The following COX10 variants were observed in gnomAD, a reference collection of about 807,000 sequenced individuals.
COX10 encodes the protein protoheme IX farnesyltransferase, mitochondrial.
In COX10, 27 loss-of-function variants were observed where a neutral mutation model predicts 37.3. The ratio of observed to expected loss-of-function variants is 0.72; its 90% CI spans 0.53 to 1.00. The LOEUF is 1.00. Among genes scored for constraint, COX10 ranks in the 50% least tolerant of loss-of-function variants. COX10 has a pLI of 0.00. For synonymous variants in COX10, 222 were observed against 229.1 expected (o/e 0.97, Z 0.28); for missense variants, 475 against 563.2 (o/e 0.84, Z 1.59).
rs1253481481 is a variant in COX10 at position 14,192,795 on chromosome 17, T to C, written c.928+574T>C. Among the ~76,000 whole-genome samples, 14 of 152,294 alleles carry C rather than the reference T, an allele frequency of 9.2e-5. No individual in the cohort carries two copies. In the East Asian group the frequency reaches 2.7e-3, roughly 29 times the overall value. On this transcript the variant is annotated intron_variant, in intron 6 of 6. Coordinates refer to ENST00000261643, the MANE Select transcript of COX10 (RefSeq NM_001303.4). ...AAATTTGTGGGGTGAAAATAGCTCA[T>C]TTTTACCATGTGTAAGGGAAGTTTC... is the stretch of plus-strand genomic sequence containing the variant.
chr17:14,194,347 A>T (rs1185209209), intron 6 of COX10, among the ~76,000 whole-genome samples: 1 of 152,250 alleles, frequency 6.6e-6, no homozygotes, highest in African/African-American at 2.4e-5. Context: ...GTCCTCACTT[A>T]AGAGTGCACA....
chr17:14,112,386 G>C (rs1234419071), intron 4 of COX10, among the ~76,000 whole-genome samples: 1 of 152,158 alleles, frequency 6.6e-6, no homozygotes, highest in Non-Finnish European at 1.5e-5. Context: ...GGCTGGACCA[G>C]AAAGGAGAAT....
At chr17:14,113,951 A>G (rs989580299) in intron 4 of COX10, among the ~76,000 whole-genome samples, 5 of 152,130 alleles carry the variant, frequency 3.3e-5, no homozygotes, top group East Asian at 1.9e-4. Flanking sequence ...GACAATGTAT[A>G]TTGTATCTTT....
At chr17:14,134,324 A>G (rs1010783913) in intron 4 of COX10, among the ~76,000 whole-genome samples, 5 of 151,874 alleles carry the variant, frequency 3.3e-5, no homozygotes, top group African/African-American at 1.2e-4. Flanking sequence ...TGAAGAGATA[A>G]AAAATACAAA....
chr17:14,159,384 A>G (rs546684754), intron 4 of COX10, among the ~76,000 whole-genome samples: 23 of 152,218 alleles, frequency 1.5e-4, no homozygotes, highest in Non-Finnish European at 3.2e-4. Context: ...ACCTGAAACT[A>G]TACAGTTGAG....
At chr17:14,187,771 G>T (rs1459912851) in intron 5 of COX10, among the ~76,000 whole-genome samples, 1 of 152,226 alleles carries the variant, frequency 6.6e-6, no homozygotes, top group Non-Finnish European at 1.5e-5. Context: ...AGGGCTCCTC[G>T]TGCCAGAAGG....
At chr17:14,128,745 G>A (rs1916397504) in intron 4 of COX10, among the ~76,000 whole-genome samples, 1 of 152,204 alleles carries the variant, frequency 6.6e-6, no homozygotes, top group Admixed American at 6.5e-5. Context: ...TTGTACAGCT[G>A]GACTGAGTTA....
At chr17:14,202,577 C>T (rs373120414) in intron 6 of COX10, among the ~76,000 whole-genome samples, 1 of 152,196 alleles carries the variant, frequency 6.6e-6, no homozygotes, top group African/African-American at 2.4e-5. Context: ...TGTGTAACTG[C>T]CTGGCACGTA....
chr17:14,097,989 A>T (rs1915687883), intron 3 of COX10, among the ~76,000 whole-genome samples: 1 of 152,090 alleles, frequency 6.6e-6, no homozygotes, highest in Non-Finnish European at 1.5e-5. Flanking sequence ...GTCTGTACAT[A>T]CTCATTATAG....
At chr17:14,182,856 A>C (rs2142257129) in intron 5 of COX10, among the ~76,000 whole-genome samples, 1 of 150,700 alleles carries the variant, frequency 6.6e-6, no homozygotes, top group East Asian at 1.9e-4. Flanking sequence ...TACTTAACAG[A>C]AAAGCCACAT....
chr17:14,198,112 A>G (rs959537318), intron 6 of COX10, among the ~76,000 whole-genome samples: 3 of 152,202 alleles, frequency 2.0e-5, no homozygotes, highest in Non-Finnish European at 4.4e-5. Context: ...TTGTTGTCAC[A>G]GGAACTGCCG....
chr17:14,094,005 GCT>G (rs1915587175), intron 3 of COX10, among the ~76,000 whole-genome samples: 2 of 152,146 alleles, frequency 1.3e-5, no homozygotes, highest in Admixed American at 6.6e-5. Context: ...GCTGCTGTGA[GCT>G]CTGATTGTGC....
intron 4 of COX10, among the ~76,000 whole-genome samples, chr17:14,128,053 CT>C (rs200354926): frequency 6.0e-4 from 89 of 149,468 alleles, no homozygotes; most frequent in Middle Eastern, 3.5e-3. Flanking sequence ...TCTGATTTAT[CT>C]TTTTTTTTAA....
At chr17:14,156,030 A>G (rs1459864790) in intron 4 of COX10, among the ~76,000 whole-genome samples, 2 of 152,134 alleles carry the variant, frequency 1.3e-5, no homozygotes, top group African/African-American at 4.8e-5. Flanking sequence ...CTGGAGCTTC[A>G]TCACCAGCCA....
At chr17:14,090,842 A>G (rs962834965) in intron 3 of COX10, among the ~76,000 whole-genome samples, 1 of 152,190 alleles carries the variant, frequency 6.6e-6, no homozygotes, top group African/African-American at 2.4e-5. Flanking sequence ...CTGAATCTTT[A>G]TCAGAGTGAA....
intron 5 of COX10, chr17:14,177,055 A>G (rs930055794): frequency 2.5e-6 from 1 of 393,692 alleles, no homozygotes; most frequent in African/African-American, 2.1e-5. Flanking sequence ...CATTTGTTTC[A>G]TTTTCCCAAG....
chr17:14,177,104 G>C (rs910014776), intron 5 of COX10: 3 of 529,024 alleles, frequency 5.7e-6, no homozygotes, highest in Non-Finnish European at 1.0e-5. Context: ...TAGTTATGTT[G>C]ATTGCTTGTG....
chr17:14,076,107 T>C (rs1388714602), intron 2 of COX10, among the ~76,000 whole-genome samples: 1 of 120,694 alleles, frequency 8.3e-6, no homozygotes, highest in Non-Finnish European at 1.6e-5. Flanking sequence ...GGGCTCTTTT[T>C]TGTCTTTTTT....
chr17:14,102,901 A>G (rs1915816246), intron 4 of COX10, among the ~76,000 whole-genome samples: 1 of 152,152 alleles, frequency 6.6e-6, no homozygotes, highest in South Asian at 2.1e-4. Flanking sequence ...AATCGTTTTC[A>G]TTACCAGAAC....
Sources: allele counts gnomAD v4.1 joint callset (sites outside exome capture counted in the v4.1 genomes callset), GRCh38; gene constraint gnomAD v4.1.1; transcripts MANE v1.5; gene names NCBI Gene and HGNC (gene_info 2026-07-23, HGNC 2026-07-21).